Variants in HYOU1 observed in about 807,000 individuals in gnomAD.
The protein encoded by HYOU1 is hypoxia up-regulated protein 1.
Under a neutral mutation model 120.5 loss-of-function variants are expected in HYOU1, and 40 were observed. The observed-to-expected ratio is 0.33, with a 90% CI of 0.26 to 0.43. HYOU1 has a LOEUF of 0.43. Among genes scored for constraint, HYOU1 ranks in the 20% least tolerant of loss-of-function variants. The pLI is 1.00. For synonymous variants in HYOU1, 501 were observed against 479.4 expected, an observed-to-expected ratio of 1.05 and a Z score of -0.59; for missense variants, 1,085 against 1,278.3, an observed-to-expected ratio of 0.85 and a Z score of 2.31.
rs1565724556 is a variant in HYOU1, at chr11:119,056,247, G to A, written c.-7-80C>T. 4.0e-6 allele frequency: 4 copies of A among 999,618 alleles called. No homozygotes were observed. The Admixed American group carries it at 7.8e-5, about 19-fold the overall frequency. The allele number at this position is 999,618 out of a possible 1,614,324, so 61.9% of individuals were successfully genotyped here. On this transcript the variant is annotated intron_variant, in intron 1 of 25. Transcript: ENST00000617285. ...ACAGAATCACATCCCAGAACGGAGA[G>A]GCTGTAAGATTCATATCTACTTCAT... is the stretch of plus-strand genomic sequence containing the variant.
Position 119,055,964 on chromosome 11 carries a change from G to A in HYOU1, c.91+106C>T. On this transcript the variant is annotated intron_variant, in intron 2 of 25. Coordinates refer to ENST00000617285, the MANE Select transcript of HYOU1 (RefSeq NM_006389.5). The surrounding 1 kb of genome is among the most constrained non-coding windows in gnomAD (Gnocchi z 4.0). ...AGATGGCAAAAGACAAAAAGGCCTGGACCTAACAACTCAAGAGACTTCTGG... is the reference window on the plus strand; with the variant it reads ...AGATGGCAAAAGACAAAAAGGCCTGAACCTAACAACTCAAGAGACTTCTGG... The A allele has an allele frequency of 2.2e-6, 3 of 1,355,908 alleles. No individual in the cohort carries two copies. Among genetic ancestry groups the A allele is most frequent in the African/African-American group, 2.9e-5 (2 of 69,808 alleles). 84.0% of individuals were successfully genotyped at this position (1,355,908 alleles called of 1,614,324 possible). A position where few individuals can be genotyped will look rare whatever the true frequency, so the allele number is the denominator to read the frequency against.
intron 24 of HYOU1, among the ~76,000 whole-genome samples, chr11:119,046,060 CAA>C (rs1276511872): frequency 6.6e-6 from 1 of 152,130 alleles, no homozygotes; most frequent in Admixed American, 6.6e-5. Flanking sequence ...CTCCCAGGTT[CAA>C]GTGTTCTCCT....
chr11:119,046,612 G>A lies in HYOU1; in HGVS notation c.2786C>T (p.Pro929Leu). 2 of 1,614,158 alleles carry A rather than the reference G, an allele frequency of 1.2e-6. No individual in the cohort carries two copies. The highest frequency in any genetic ancestry group is 8.5e-7 in the Non-Finnish European group (1 of 1,180,000). ...KDKNGTRAEPPLNASASDQGE... is the reference protein window; with the variant it reads ...KDKNGTRAEPLLNASASDQGE... ...CTGGTCACTGGCACTGGCATTGAGG[G>A]GTGGCTCTGCCCGGGTCCCATTCTT... is the stretch of plus-strand genomic sequence containing the variant. Residue 929 changes from proline to leucine, a missense_variant, in exon 23 of 26, where the codon CCC (proline) becomes CTC (leucine). By Grantham distance (98) the Pro-to-Leu change is moderately conservative. This residue lies in a region of HYOU1 where 516 missense variants were observed against 517.1 expected (regional missense o/e 1.00). Coordinates refer to ENST00000617285, the MANE Select transcript of HYOU1 (RefSeq NM_006389.5).
At chr11:119,054,742 ACTAATGAC>A in intron 6 of HYOU1, 67 bp from the exon 7 acceptor site, 1 of 1,493,152 alleles carries the variant, frequency 6.7e-7, no homozygotes, top group African/African-American at 1.4e-5. Flanking sequence ...TAATCTGGTC[ACTAATGAC>A]ATTTTGGACT....
In HYOU1 at chr11:119,047,322, C is replaced by T. The variant is rs2133556186; in HGVS notation, c.2595+412G>A. ...TCAGCCTCCTTAAGTGCTGGGATTACAGGCGTGAGCCACCGCGCCCAGCTG... is the reference window on the plus strand; with the variant it reads ...TCAGCCTCCTTAAGTGCTGGGATTATAGGCGTGAGCCACCGCGCCCAGCTG... On this transcript the variant is annotated intron_variant, in intron 22 of 25. Transcript: ENST00000617285. 6 of 218,310 alleles carry T rather than the reference C, an allele frequency of 2.7e-5. No homozygotes were observed. In the South Asian group the frequency reaches 4.1e-4, roughly 15 times the overall value. 13.5% of individuals were successfully genotyped at this position (218,310 alleles called of 1,614,324 possible). A position where few individuals can be genotyped will look rare whatever the true frequency, so the allele number is the denominator to read the frequency against.
rs1484731793 is a variant in HYOU1, at chr11:119,054,167, T to A, written c.748A>T (p.Thr250Ser). The A allele has an allele frequency of 1.9e-6, 3 of 1,614,140 alleles. No homozygotes were observed. In the African/African-American group the frequency reaches 4.0e-5, roughly 22 times the overall value. ...TGTGGCTGCATCCCAGCTTCCTTAG[T>A]CTTCACCATCTGGTAGGTCACAATG... ...CTIVTYQMVK[T>S]KEAGMQPQLQ... The change falls in exon 8 of 26, where the codon ACT becomes TCT. Residue 250 changes from threonine (T) to serine (S), a missense_variant. Thr to Ser is a moderately conservative substitution (Grantham distance 58). Coordinates refer to ENST00000617285, the MANE Select transcript of HYOU1 (RefSeq NM_006389.5).
At chr11:119,056,265 T>C (rs1424644892) in intron 1 of HYOU1, 98 bp from the exon 2 acceptor site, 4 of 842,180 alleles carry the variant, frequency 4.7e-6, no homozygotes, top group South Asian at 1.4e-5. Flanking sequence ...GATTCATATC[T>C]ACTTCATTCT....
rs1235905624 is a variant in HYOU1 at position 119,051,508 on chromosome 11, G to A, written c.1456C>T (p.Arg486Cys). 15 of 1,614,158 alleles carry A rather than the reference G, an allele frequency of 9.3e-6. No homozygotes were observed. The highest frequency in any genetic ancestry group is 2.2e-5 in the East Asian group (1 of 44,880). Residue 486 changes from arginine (R) to cysteine (C), a missense_variant, in exon 13 of 26, where the codon CGC becomes TGC. Arg to Cys is a radical substitution (Grantham distance 180). Coordinates refer to ENST00000617285, the MANE Select transcript of HYOU1 (RefSeq NM_006389.5). This position sits in a 1 kb window ranked among gnomAD's most constrained non-coding sequence, Gnocchi z 4.2. ...YPQRKVITFNRYSHDFNFHIN... is the reference protein window; with the variant it reads ...YPQRKVITFNCYSHDFNFHIN... ...TGGAAGTTGAAATCATGGCTGTAGC[G>A]GTTAAAGGTGATGACTTTGCGTTGA...
In HYOU1 at chr11:119,048,708, A is replaced by C. The variant is rs2133566644; in HGVS notation, c.2165+6T>G. The C allele has an allele frequency of 6.2e-7, 1 of 1,608,336 alleles. No homozygotes were observed. The highest frequency in any genetic ancestry group is 2.2e-5 in the East Asian group (1 of 44,814). The stretch of plus-strand genomic sequence containing the variant: ...GTACACACACACACCAGCTGTCCTC[A>C]CTTACTTCTGCACCGACTGAGCCAG... On this transcript the variant is annotated splice_donor_region_variant and intron_variant, in intron 18 of 25. Coordinates refer to ENST00000617285, the MANE Select transcript of HYOU1 (RefSeq NM_006389.5). This position sits in a 1 kb window ranked among gnomAD's most constrained non-coding sequence, Gnocchi z 4.7.
rs1387883679 is a variant in HYOU1, at chr11:119,049,095, G to C, written c.1915C>G (p.Pro639Ala). 2 of 1,614,088 alleles carry C rather than the reference G, an allele frequency of 1.2e-6. No homozygotes were observed. The highest frequency in any genetic ancestry group is 1.1e-5 in the South Asian group (1 of 91,078). Reference sequence around the variant, plus strand: ...GGGGTTGCATCTCCCTTAGGTTCAGGGGGTGGGGGCTGAGAGCCATCCTCC... The same window carrying C: ...GGGGTTGCATCTCCCTTAGGTTCAGCGGGTGGGGGCTGAGAGCCATCCTCC... ...PVEDGSQPPP[P>A]EPKGDATPEG... The change falls in exon 17 of 26, where the codon CCT (proline) becomes GCT (alanine). Residue 639 changes from proline to alanine, a missense_variant. By Grantham distance (27) the Pro-to-Ala change is conservative. Around this residue, in one of 4 missense-constraint regions of HYOU1, gnomAD observed 516 missense variants for 517.1 expected, o/e 1.00. Transcript: ENST00000617285.
intron 16 of HYOU1, 25 bp from the exon 17 acceptor site, chr11:119,049,228 G>A (rs2133570902): frequency 1.9e-6 from 3 of 1,588,022 alleles, no homozygotes; most frequent in South Asian, 2.3e-5. Flanking sequence ...AGGCGCCCCA[G>A]GGAACGATCA....
intron 24 of HYOU1, 151 bp downstream of exon 24, chr11:119,046,265 CT>C (rs11349624): frequency 0.38 from 187,291 of 491,672 alleles, 18,292 homozygotes; most frequent in African/African-American, 0.61. Flanking sequence ...CGTGCCTGGC[CT>C]TTTTTTTTTT....
In HYOU1 at chr11:119,046,600, CTGGCAT is replaced by C; in HGVS notation, c.2792_2797del (p.Asn931_Ala932del). 1 of 1,614,020 alleles carries C rather than the reference CTGGCAT, an allele frequency of 6.2e-7. No homozygotes were observed. The highest frequency in any genetic ancestry group is 8.5e-7 in the Non-Finnish European group (1 of 1,179,894). ...GACCTTCTCCCCCTGGTCACTGGCA[CTGGCAT>C]TGAGGGGTGGCTCTGCCCGGGTCCC... On this transcript the variant is annotated inframe_deletion, in exon 23 of 26. Coordinates refer to ENST00000617285, the MANE Select transcript of HYOU1 (RefSeq NM_006389.5).
At chr11:119,054,287 G>T in intron 7 of HYOU1, 51 bp from the exon 8 acceptor site, 2 of 1,459,774 alleles carry the variant, frequency 1.4e-6, no homozygotes, top group Non-Finnish European at 1.9e-6. Flanking sequence ...AACTCCAGGG[G>T]GCCTGCCTGC....
At chr11:119,054,458 C>A (rs372949660) in intron 7 of HYOU1, 36 bp downstream of exon 7, 5 of 1,603,404 alleles carry the variant, frequency 3.1e-6, no homozygotes, top group South Asian at 2.2e-5. Context: ...TAGATTCAGT[C>A]ACCCTGCATG....
intron 14 of HYOU1, among the ~76,000 whole-genome samples, 195 bp downstream of exon 14, chr11:119,050,840 C>T (rs2133581475): frequency 4.1e-5 from 6 of 146,798 alleles, no homozygotes; most frequent in African/African-American, 1.5e-4. Context: ...AAGAAATTTA[C>T]AATGCCTATA....
chr11:119,055,366 G>A lies in HYOU1; in HGVS notation c.265-27C>T, dbSNP rs772498245. 1.2e-6 allele frequency: 2 copies of A among 1,610,306 alleles called. No individual in the cohort carries two copies. Among genetic ancestry groups the A allele is most frequent in the Admixed American group, 1.7e-5 (1 of 59,822 alleles). Reference sequence around the variant, plus strand: ...TGAGGGGTGAAGAAGGAGCAGACTAGTATTAGGCTCCCAAGTCCACCATTA... The same window carrying A: ...TGAGGGGTGAAGAAGGAGCAGACTAATATTAGGCTCCCAAGTCCACCATTA... On this transcript the variant is annotated intron_variant, in intron 4 of 25. Coordinates refer to ENST00000617285, the MANE Select transcript of HYOU1 (RefSeq NM_006389.5). The surrounding 1 kb of genome is among the most constrained non-coding windows in gnomAD (Gnocchi z 4.0).
chr11:119,046,784 G>C lies in HYOU1; in HGVS notation c.2614C>G (p.Leu872Val), dbSNP rs142217566. Residue 872 changes from leucine to valine, a missense_variant, in exon 23 of 26, where the codon CTG (leucine) becomes GTG (valine). Physicochemically the swap from Leu to Val is conservative, Grantham distance 32. Coordinates refer to ENST00000617285, the MANE Select transcript of HYOU1 (RefSeq NM_006389.5). Reference protein sequence around the residue: ...NETWAWKNATLAEQAKLPATE... With the variant: ...NETWAWKNATVAEQAKLPATE... ...GCGGGCAGCTTAGCCTGCTCGGCCA[G>C]AGTTGCATTCTTCCAGGCCTGTGGG... 2.5e-4 allele frequency: 403 copies of C among 1,600,618 alleles called. No homozygotes were observed. The highest frequency in any genetic ancestry group is 3.2e-4 in the Non-Finnish European group (382 of 1,179,960).
At chr11:119,049,942 G>A in intron 14 of HYOU1, 105 bp from the exon 15 acceptor site, 2 of 1,007,108 alleles carry the variant, frequency 2.0e-6, no homozygotes, top group Middle Eastern at 2.6e-4. Flanking sequence ...TGCCGTCACA[G>A]GCCTAGTCTC....
Sources: allele counts gnomAD v4.1 joint callset (sites outside exome capture counted in the v4.1 genomes callset), GRCh38; gene constraint gnomAD v4.1.1; regional missense constraint gnomAD v4.1.1; non-coding constraint Gnocchi (gnomAD v3.1); transcripts MANE v1.5; gene names NCBI Gene and HGNC (gene_info 2026-07-23, HGNC 2026-07-21).